Variants in SLC9C1 observed in about 807,000 individuals in gnomAD.
The protein encoded by SLC9C1 is solute carrier family 9 member C1.
Under a neutral mutation model 140.9 loss-of-function variants are expected in SLC9C1, and 97 were observed. That is an observed-to-expected ratio of 0.69 (90% confidence interval 0.58 to 0.82). The LOEUF (loss-of-function observed/expected upper bound fraction) is 0.82. Ranked by LOEUF, SLC9C1 falls within the 40% of genes least tolerant of loss-of-function variation. The pLI is 0.00. For synonymous variants in SLC9C1, 440 were observed against 442.6 expected (o/e 0.99, Z 0.07); for missense variants, 1,340 against 1,389.3 (o/e 0.96, Z 0.56).
chr3:112,141,102 T>C lies in SLC9C1; in HGVS notation c.*170A>G. On this transcript the variant is annotated 3_prime_UTR_variant, in exon 29 of 29. Coordinates refer to ENST00000305815, the MANE Select transcript of SLC9C1 (RefSeq NM_183061.3). ...AAGGAAATTTTGCAAAAAGTATATA[T>C]GTTGAACTGCTGGTTTCAAGGTCCA... 1.9e-6 allele frequency: 1 copy of C among 520,380 alleles called. No homozygotes were observed. Among genetic ancestry groups the C allele is most frequent in the South Asian group, 8.3e-5 (1 of 12,010 alleles). The allele number at this position is 520,380 out of a possible 1,614,324, so 32.2% of individuals were successfully genotyped here.
intron 23 of SLC9C1, among the ~76,000 whole-genome samples, chr3:112,169,549 G>T (rs1311748305): frequency 2.6e-5 from 4 of 152,086 alleles, no homozygotes; most frequent in African/African-American, 9.7e-5. Flanking sequence ...GTAAAATGTG[G>T]CTTTATTTCT....
At chr3:112,265,568 A>G (rs2079896014) in intron 8 of SLC9C1, among the ~76,000 whole-genome samples, 1 of 152,104 alleles carries the variant, frequency 6.6e-6, no homozygotes, top group Non-Finnish European at 1.5e-5. Context: ...CTTTGTTAAC[A>G]CATATGTTTT....
At chr3:112,271,750 C>A (rs1186789389) in intron 6 of SLC9C1, among the ~76,000 whole-genome samples, 1 of 152,092 alleles carries the variant, frequency 6.6e-6, no homozygotes, top group African/African-American at 2.4e-5. Context: ...ACAGGAAATA[C>A]AGAAAGAGGA....
chr3:112,199,057 C>T (rs115947331), intron 20 of SLC9C1, among the ~76,000 whole-genome samples: 399 of 149,736 alleles, frequency 2.7e-3, no homozygotes, highest in Non-Finnish European at 4.4e-3. Flanking sequence ...TCTAGGATGA[C>T]GAATAGATTC....
At chr3:112,267,889 T>C (rs1006021403) in intron 7 of SLC9C1, among the ~76,000 whole-genome samples, 1 of 152,086 alleles carries the variant, frequency 6.6e-6, no homozygotes, top group Non-Finnish European at 1.5e-5. Context: ...GATGGTGAAG[T>C]CAGGAAAATA....
intron 10 of SLC9C1, among the ~76,000 whole-genome samples, chr3:112,258,951 A>G (rs1400005763): frequency 6.6e-6 from 1 of 152,122 alleles, no homozygotes; most frequent in African/African-American, 2.4e-5. Flanking sequence ...ACATTTTTAA[A>G]CAACCAGATC....
chr3:112,200,033 T>C (rs944560556), intron 19 of SLC9C1, among the ~76,000 whole-genome samples: 2 of 152,122 alleles, frequency 1.3e-5, no homozygotes, highest in Admixed American at 6.6e-5. Context: ...TAACCTCTTA[T>C]CTGGCTTGGT....
intron 21 of SLC9C1, among the ~76,000 whole-genome samples, chr3:112,181,918 T>C (rs2077447282): frequency 1.3e-5 from 2 of 152,124 alleles, no homozygotes; most frequent in African/African-American, 2.4e-5. Flanking sequence ...ATAGAGGATA[T>C]GTGACAATGG....
chr3:112,209,628 TAAAC>T (rs2078147685), intron 15 of SLC9C1, among the ~76,000 whole-genome samples: 1 of 151,824 alleles, frequency 6.6e-6, no homozygotes, highest in Non-Finnish European at 1.5e-5. Context: ...CTAGAGCTAA[TAAAC>T]AAAATAGCAA....
rs1156708223 is a variant in SLC9C1 at position 112,234,051 on chromosome 3, G to A, written c.1447-2565C>T. Among the ~76,000 whole-genome samples, 3 of 152,160 alleles carry A rather than the reference G, an allele frequency of 2.0e-5. No individual in the cohort carries two copies. The East Asian group carries it at 5.8e-4, about 29-fold the overall frequency. ...TCTAGTTCTAGATCCCTGAGGAATT[G>A]CCGCACTGTCTTCCACAATGGTTGA... On this transcript the variant is annotated intron_variant, in intron 12 of 28. Transcript: ENST00000305815.
At position 112,221,197 on chromosome 3, in the gene SLC9C1, T is replaced by C. The variant is rs1423490212; in HGVS notation, c.1601A>G (p.Glu534Gly). ...IASYQRQYRN[E>G]ILSQSAVQVL... The stretch of plus-strand genomic sequence containing the variant: ...CTGGACAGCACTCTGGGACAGAATC[T>C]CATTCCTGTATTGTCTCTGGTAGCT... Residue 534 changes from glutamate (E) to glycine (G), a missense_variant, in exon 14 of 29, where the codon GAG (glutamate) becomes GGG (glycine). Glu to Gly is a moderately conservative substitution (Grantham distance 98). Coordinates refer to ENST00000305815, the MANE Select transcript of SLC9C1 (RefSeq NM_183061.3). 6.2e-7 allele frequency: 1 copy of C among 1,613,510 alleles called. No homozygotes were observed. The highest frequency in any genetic ancestry group is 1.3e-5 in the African/African-American group (1 of 74,914).
chr3:112,152,577 G>A (rs766766077), intron 27 of SLC9C1, among the ~76,000 whole-genome samples: 7 of 151,956 alleles, frequency 4.6e-5, no homozygotes, highest in Non-Finnish European at 1.0e-4. Flanking sequence ...CACAGACCCT[G>A]TATTGGTGTC....
chr3:112,218,174 GTT>G (rs61498352), intron 14 of SLC9C1, among the ~76,000 whole-genome samples: 102,002 of 143,332 alleles, frequency 0.71, 36,456 homozygotes, highest in East Asian at 0.96. Flanking sequence ...TTTCTGCTAG[GTT>G]TTTTTTTTTT....
At chr3:112,197,195 T>C (rs2077789103) in intron 20 of SLC9C1, among the ~76,000 whole-genome samples, 1 of 152,032 alleles carries the variant, frequency 6.6e-6, no homozygotes, top group Non-Finnish European at 1.5e-5. Context: ...ACCTGTGAAG[T>C]GGTGGTTTTT....
chr3:112,208,057 G>T, intron 16 of SLC9C1, 121 bp downstream of exon 16: 5 of 723,902 alleles, frequency 6.9e-6, no homozygotes, highest in South Asian at 2.8e-5. Flanking sequence ...GTTTGGAGAC[G>T]TGAGGAAGAA....
At chr3:112,261,502 G>A (rs544996613) in intron 10 of SLC9C1, among the ~76,000 whole-genome samples, 3 of 152,108 alleles carry the variant, frequency 2.0e-5, no homozygotes, top group African/African-American at 7.2e-5. Context: ...CATAACTTAT[G>A]AGTAGTAGAG....
At chr3:112,164,855 C>T (rs530867453) in intron 26 of SLC9C1, among the ~76,000 whole-genome samples, 2 of 152,222 alleles carry the variant, frequency 1.3e-5, no homozygotes, top group East Asian at 1.9e-4. Flanking sequence ...TGGATAATAT[C>T]CTGCAGAGTG....
intron 15 of SLC9C1, among the ~76,000 whole-genome samples, chr3:112,213,634 A>C (rs1427379468): frequency 6.6e-6 from 1 of 152,230 alleles, no homozygotes; most frequent in Non-Finnish European, 1.5e-5. Context: ...TGGTAAAGGG[A>C]TCAATTCAAC....
intron 23 of SLC9C1, among the ~76,000 whole-genome samples, chr3:112,177,196 AG>A (rs1279467551): frequency 3.3e-5 from 5 of 151,906 alleles, no homozygotes; most frequent in African/African-American, 1.2e-4. Flanking sequence ...TATTGGAGCC[AG>A]GGTTTCACCA....
Sources: allele counts gnomAD v4.1 joint callset (sites outside exome capture counted in the v4.1 genomes callset), GRCh38; gene constraint gnomAD v4.1.1; transcripts MANE v1.5; gene names NCBI Gene and HGNC (gene_info 2026-07-23, HGNC 2026-07-21).